Variants in RAD51B observed in about 807,000 individuals in gnomAD.
RAD51B encodes RAD51 paralog B.
In RAD51B, 38 loss-of-function variants were observed where a neutral mutation model predicts 42.2. That is an observed-to-expected ratio of 0.90 (90% confidence interval 0.70 to 1.18). RAD51B has a LOEUF of 1.18. Among genes scored for constraint, RAD51B ranks in the 50% most tolerant of loss-of-function variants. RAD51B has a pLI of 0.00. For missense variants in RAD51B, 373 were observed against 400.7 expected (o/e 0.93, Z 0.59); for synonymous variants, 154 against 145.2 (o/e 1.06, Z -0.43).
At chr14:68,363,874 T>G (rs2083084404) in intron 8 of RAD51B, among the ~76,000 whole-genome samples, 1 of 152,080 alleles carries the variant, frequency 6.6e-6, no homozygotes, top group Admixed American at 6.5e-5. Flanking sequence ...GCCGCTCCAT[T>G]GCACAGAGAT....
At chr14:68,340,671 A>G (rs868245587) in intron 8 of RAD51B, among the ~76,000 whole-genome samples, 3 of 152,096 alleles carry the variant, frequency 2.0e-5, no homozygotes, top group Admixed American at 6.5e-5. Context: ...GCATATTACT[A>G]TTTTTGTATG....
chr14:68,177,039 T>A (rs2078975345), intron 7 of RAD51B, among the ~76,000 whole-genome samples: 1 of 152,180 alleles, frequency 6.6e-6, no homozygotes, highest in African/African-American at 2.4e-5. Context: ...AGGAGTCCTT[T>A]TCTCTAGAGT....
At position 68,278,763 on chromosome 14, in the gene RAD51B, C is replaced by T. The variant is rs74820738; in HGVS notation, c.757-13121C>T. 1.5e-4 allele frequency among the ~76,000 whole-genome samples: 23 copies of T among 152,298 alleles called. 1 individual carries two copies. The Middle Eastern group carries it at 0.01, about 68-fold the overall frequency. On this transcript the variant is annotated intron_variant, in intron 7 of 10. Coordinates refer to ENST00000471583, the MANE Select transcript of RAD51B (RefSeq NM_133510.4). ...AGTCACTGTTCCAGCCCTTGGGCCA[C>T]ATGATCTCAGGCTGTGTCTATGGAA...
chr14:67,952,026 C>T (rs1195332741), intron 7 of RAD51B, among the ~76,000 whole-genome samples: 1 of 150,642 alleles, frequency 6.6e-6, no homozygotes. Flanking sequence ...AAATGAAGAC[C>T]AGAATGAAGT....
chr14:67,928,510 T>A (rs995782221), intron 7 of RAD51B, among the ~76,000 whole-genome samples: 7 of 152,092 alleles, frequency 4.6e-5, no homozygotes, highest in African/African-American at 1.4e-4. Context: ...GTCATTCATG[T>A]GGCCCGTGAA....
intron 7 of RAD51B, among the ~76,000 whole-genome samples, chr14:67,909,176 A>C (rs972992103): frequency 6.6e-6 from 1 of 152,222 alleles, no homozygotes; most frequent in Non-Finnish European, 1.5e-5. Flanking sequence ...TCGTGAAGCC[A>C]TAAAGTTTGA....
intron 7 of RAD51B, among the ~76,000 whole-genome samples, chr14:67,895,367 G>A (rs934267824): frequency 1.3e-5 from 2 of 152,162 alleles, no homozygotes; most frequent in African/African-American, 2.4e-5. Context: ...TGCTTAAGGA[G>A]TCATTTGGAT....
intron 7 of RAD51B, among the ~76,000 whole-genome samples, chr14:68,166,932 T>C (rs534286220): frequency 1.3e-5 from 2 of 152,168 alleles, no homozygotes; most frequent in African/African-American, 2.4e-5. Context: ...TAATACTTTA[T>C]GCCCCTTATC....
chr14:67,953,783 C>T (rs997132760), intron 7 of RAD51B, among the ~76,000 whole-genome samples: 1 of 152,056 alleles, frequency 6.6e-6, no homozygotes, highest in Non-Finnish European at 1.5e-5. Flanking sequence ...AACTAGGGCA[C>T]TGGTTGTACC....
intron 10 of RAD51B, among the ~76,000 whole-genome samples, chr14:68,488,594 G>C (rs1043280795): frequency 6.6e-6 from 1 of 152,160 alleles, no homozygotes; most frequent in Non-Finnish European, 1.5e-5. Flanking sequence ...CCTGCCTTCA[G>C]TAAGAATCCT....
intron 10 of RAD51B, among the ~76,000 whole-genome samples, chr14:68,626,729 C>G (rs76401249): frequency 0.031 from 4,773 of 152,310 alleles, 220 homozygotes; most frequent in African/African-American, 0.11. Flanking sequence ...TGCAAAGCTT[C>G]TTACAACCAA....
intron 7 of RAD51B, among the ~76,000 whole-genome samples, chr14:67,963,401 C>A (rs1370526052): frequency 1.3e-5 from 2 of 151,962 alleles, no homozygotes; most frequent in Non-Finnish European, 2.9e-5. Context: ...TTTAATGCAT[C>A]TTTTCTGTGT....
At chr14:68,229,714 G>T (rs144400140) in intron 7 of RAD51B, among the ~76,000 whole-genome samples, 21 of 147,780 alleles carry the variant, frequency 1.4e-4, no homozygotes, top group African/African-American at 4.3e-4. Flanking sequence ...CTGTTCAGTT[G>T]GTCAGTCACC....
chr14:68,401,143 G>A (rs1108007), intron 8 of RAD51B, among the ~76,000 whole-genome samples: 3 of 152,122 alleles, frequency 2.0e-5, no homozygotes, highest in South Asian at 2.1e-4. Flanking sequence ...GAAGCTTTTC[G>A]TATAAAGTGA....
chr14:67,919,603 G>T (rs1009797823), intron 7 of RAD51B, among the ~76,000 whole-genome samples: 3 of 152,190 alleles, frequency 2.0e-5, no homozygotes, highest in African/African-American at 7.2e-5. Context: ...ATTGTTCTTT[G>T]TTGGATATAC....
At chr14:68,066,046 A>G (rs1310785281) in intron 7 of RAD51B, among the ~76,000 whole-genome samples, 3 of 152,042 alleles carry the variant, frequency 2.0e-5, no homozygotes, top group Non-Finnish European at 4.4e-5. Flanking sequence ...TTATCTGCAA[A>G]TATATTTATT....
chr14:68,330,526 C>T (rs1281778488), intron 8 of RAD51B, among the ~76,000 whole-genome samples: 2 of 152,088 alleles, frequency 1.3e-5, no homozygotes, highest in South Asian at 2.1e-4. Flanking sequence ...TGAGGATGTA[C>T]TTATCAAAAG....
intron 10 of RAD51B, among the ~76,000 whole-genome samples, chr14:68,558,110 G>A (rs1192350261): frequency 2.6e-5 from 4 of 152,230 alleles, no homozygotes; most frequent in Non-Finnish European, 5.9e-5. Context: ...CCATTTCCAG[G>A]TGATCAAGCT....
chr14:67,873,999 TAGTG>T (rs1270080388), intron 5 of RAD51B, among the ~76,000 whole-genome samples: 4 of 150,808 alleles, frequency 2.7e-5, no homozygotes, highest in African/African-American at 9.8e-5. Context: ...GATGACGAGT[TAGTG>T]GGTGCAGCGC....
Sources: gnomAD v4.1 joint callset for allele counts (sites outside exome capture counted in the v4.1 genomes callset) on GRCh38, gnomAD v4.1.1 for gene constraint, MANE v1.5 for transcripts, NCBI Gene and HGNC (gene_info 2026-07-23, HGNC 2026-07-21) for gene names.